PDE1A: variants seen among roughly 807,000 people sequenced by gnomAD.
PDE1A encodes the protein dual specificity calcium/calmodulin-dependent 3',5'-cyclic nucleotide phosphodiesterase 1A.
In PDE1A, 35 loss-of-function variants were observed where a neutral mutation model predicts 61.7. The observed-to-expected ratio is 0.57, with a 90% CI of 0.43 to 0.75. The LOEUF (loss-of-function observed/expected upper bound fraction) is 0.75. PDE1A is among the 30% of genes least tolerant of loss of function. PDE1A has a pLI of 0.00. For missense variants in PDE1A, 597 were observed against 630.6 expected, an observed-to-expected ratio of 0.95 and a Z score of 0.57; for synonymous variants, 232 against 213.2, an observed-to-expected ratio of 1.09 and a Z score of -0.77.
chr2:182,504,850 G>T (rs1484849928), intron 2 of PDE1A, among the ~76,000 whole-genome samples: 2 of 152,156 alleles, frequency 1.3e-5, no homozygotes, highest in African/African-American at 4.8e-5. Context: ...TTGAATGTCT[G>T]GTAAAAATGA....
intron 2 of PDE1A, among the ~76,000 whole-genome samples, chr2:182,479,651 A>T (rs1687584906): frequency 2.6e-5 from 4 of 151,924 alleles, no homozygotes; most frequent in Admixed American, 2.6e-4. Flanking sequence ...GACTGTAAAA[A>T]AAAAATTAAA....
intron 2 of PDE1A, chr2:182,522,151 A>G: frequency 1.3e-6 from 1 of 741,850 alleles, no homozygotes; most frequent in East Asian, 2.7e-5. Flanking sequence ...AGGTAGGCAC[A>G]TTTTATTTTT....
the PDE1A span, among the ~76,000 whole-genome samples, chr2:182,562,736 T>G: frequency 6.6e-6 from 1 of 152,140 alleles, no homozygotes; most frequent in African/African-American, 2.4e-5. Context: ...TTTCAGAGCC[T>G]GTTATTGGTC....
downstream of PDE1A, among the ~76,000 whole-genome samples, chr2:182,167,224 G>A (rs1428133410): frequency 6.6e-6 from 1 of 152,066 alleles, no homozygotes; most frequent in Non-Finnish European, 1.5e-5. Flanking sequence ...AACAATAGGA[G>A]ATATCAGAAA....
rs1019125577 is a variant in PDE1A, at chr2:182,206,143, C to G, written c.777-78G>C. The G allele has an allele frequency of 2.6e-6, 3 of 1,163,400 alleles. No individual in the cohort carries two copies. In the African/African-American group the frequency reaches 4.6e-5, roughly 18 times the overall value. 72.1% of individuals were successfully genotyped at this position (1,163,400 alleles called of 1,614,324 possible). A position where few individuals can be genotyped will look rare whatever the true frequency, so the allele number is the denominator to read the frequency against. On this transcript the variant is annotated intron_variant, in intron 7 of 13. Transcript: ENST00000351439. ...TGTCTAATAAGACTTACTCAAGTAT[C>G]AAGTCATGTGACCAGAAAACATCCT...
chr2:182,530,018 A>G, the PDE1A span, among the ~76,000 whole-genome samples: 9 of 152,216 alleles, frequency 5.9e-5, no homozygotes, highest in Non-Finnish European at 1.2e-4. Flanking sequence ...AAAAATATGA[A>G]AAGGAAGCAA....
intron 1 of PDE1A, chr2:182,314,336 G>C (rs1696190546): frequency 6.6e-6 from 1 of 152,118 alleles, no homozygotes; most frequent in African/African-American, 2.4e-5. Context: ...TGAGGCAGGG[G>C]GATTGCTTGA....
the PDE1A span, among the ~76,000 whole-genome samples, chr2:182,598,562 C>CA: frequency 0.24 from 31,187 of 129,124 alleles, 3,538 homozygotes; most frequent in Middle Eastern, 0.31. Flanking sequence ...AACTCTGTCT[C>CA]AAAAAAAAAA....
At chr2:182,269,418 G>A (rs1425216423) in intron 1 of PDE1A, among the ~76,000 whole-genome samples, 1 of 152,008 alleles carries the variant, frequency 6.6e-6, no homozygotes, top group Admixed American at 6.6e-5. Flanking sequence ...AACCCAGGAG[G>A]AGGAGGTTGT....
chr2:182,162,614 A>G (rs1691442443), intron 13 of PDE1A, among the ~76,000 whole-genome samples: 1 of 152,126 alleles, frequency 6.6e-6, no homozygotes, highest in African/African-American at 2.4e-5. Context: ...TATACTGTTA[A>G]TCTTTCTCTT....
intron 7 of PDE1A, among the ~76,000 whole-genome samples, chr2:182,210,900 C>A (rs1294419398): frequency 3.4e-5 from 5 of 147,016 alleles, no homozygotes; most frequent in African/African-American, 5.0e-5. Flanking sequence ...GGTAATTTAT[C>A]AAAAAAAAAA....
chr2:182,152,412 CTTTTTTTTTTTTTT>C (rs559392112), intron 13 of PDE1A, among the ~76,000 whole-genome samples: 1 of 75,292 alleles, frequency 1.3e-5, no homozygotes. Context: ...TTTTTTTCCT[CTTTTTTTTTTTTTT>C]TTTTTTTTTT....
intron 1 of PDE1A, among the ~76,000 whole-genome samples, chr2:182,334,504 A>C (rs1442225779): frequency 2.0e-5 from 3 of 152,178 alleles, no homozygotes; most frequent in Non-Finnish European, 4.4e-5. Flanking sequence ...CCATCACATA[A>C]ACAGAACCAA....
At chr2:182,599,816 G>A in the PDE1A span, among the ~76,000 whole-genome samples, 1 of 152,236 alleles carries the variant, frequency 6.6e-6, no homozygotes, top group Non-Finnish European at 1.5e-5. Context: ...AGGCATCAGA[G>A]AGGTTTAATT....
chr2:182,310,602 C>T (rs764994528), intron 1 of PDE1A, among the ~76,000 whole-genome samples: 5 of 152,202 alleles, frequency 3.3e-5, no homozygotes, highest in South Asian at 2.1e-4. Context: ...ATGTATTTAA[C>T]GCAAATTTAT....
intron 2 of PDE1A, among the ~76,000 whole-genome samples, chr2:182,506,142 T>C (rs1440893129): frequency 6.6e-6 from 1 of 152,230 alleles, no homozygotes; most frequent in Non-Finnish European, 1.5e-5. Flanking sequence ...CAATTCTATA[T>C]AAAATTTTTC....
In PDE1A at chr2:182,233,348, C is replaced by A. The variant is rs1266334492; in HGVS notation, c.417+1084G>T. On this transcript the variant is annotated intron_variant, in intron 4 of 13. Coordinates refer to ENST00000351439, the Ensembl canonical transcript of PDE1A. ...ACTGTTCCACCTCATCAGCAGTGCA[C>A]AACCCTCACACGCACATTTCACAAT... 2.0e-5 allele frequency among the ~76,000 whole-genome samples: 3 copies of A among 152,174 alleles called. No homozygotes were observed. In the East Asian group the frequency reaches 5.8e-4, roughly 29 times the overall value.
At chr2:182,516,222 T>C (rs1690140165) in intron 2 of PDE1A, among the ~76,000 whole-genome samples, 1 of 152,126 alleles carries the variant, frequency 6.6e-6, no homozygotes, top group Admixed American at 6.5e-5. Flanking sequence ...CATTCTGTTT[T>C]ATTATCTTTT....
chr2:182,599,089 G>A, the PDE1A span, among the ~76,000 whole-genome samples: 11 of 152,142 alleles, frequency 7.2e-5, no homozygotes, highest in South Asian at 2.1e-4. Context: ...CGCAGGTGTC[G>A]CTGCAACTAC....
Sources: gnomAD v4.1 joint callset for allele counts (sites outside exome capture counted in the v4.1 genomes callset) on GRCh38, gnomAD v4.1.1 for gene constraint, MANE v1.5 for transcripts, NCBI Gene and HGNC (gene_info 2026-07-23, HGNC 2026-07-21) for gene names.